SORL1-AS1: variants seen among roughly 807,000 people sequenced by gnomAD.
SORL1-AS1 encodes SORL1 antisense RNA 1, also known as lncRNA 51 A.
At chr11:121,444,772 C>T (rs1860703534), downstream of SORL1-AS1, among the ~76,000 whole-genome samples, 1 of 152,186 alleles carries the variant, frequency 6.6e-6, no homozygotes, top group Admixed American at 6.5e-5. Context: ...GTAAGTATTC[C>T]ATGGCGTCAT....
At chr11:121,440,305 C>T in the SORL1-AS1 span, among the ~76,000 whole-genome samples, 1 of 152,160 alleles carries the variant, frequency 6.6e-6, no homozygotes, top group African/African-American at 2.4e-5. Context: ...ACCCCGGAGG[C>T]GGAGGTTACG....
intron 1 of SORL1-AS1, among the ~76,000 whole-genome samples, chr11:121,451,022 C>T (rs749238130): frequency 3.9e-5 from 6 of 152,072 alleles, no homozygotes; most frequent in Non-Finnish European, 8.8e-5. Context: ...ATCGGGCTAC[C>T]GTGGCTTGTC....
At position 121,452,738 on chromosome 11, in the gene SORL1-AS1, C is replaced by A; in HGVS notation, n.276G>T. ...GCACCACTGGGGACTTCCCGGCTTG[C>A]ATTTGTTTTTTTCCTTCACGAGTAC... On this transcript the variant is annotated non_coding_transcript_exon_variant, in exon 1 of 2. Transcript: ENST00000501964. This position sits in a 1 kb window ranked among gnomAD's most constrained non-coding sequence, Gnocchi z 5.3. 2.3e-6 allele frequency: 2 copies of A among 886,224 alleles called. No individual in the cohort carries two copies. The highest frequency in any genetic ancestry group is 1.8e-5 in the African/African-American group (1 of 56,612). The allele number at this position is 886,224 out of a possible 1,614,324, so 54.9% of individuals were successfully genotyped here. A position where few individuals can be genotyped will look rare whatever the true frequency, so the allele number is the denominator to read the frequency against.
downstream of SORL1-AS1, among the ~76,000 whole-genome samples, chr11:121,445,379 T>G (rs2134749175): frequency 6.6e-6 from 1 of 152,268 alleles, no homozygotes; most frequent in East Asian, 1.9e-4. Context: ...GAAGAAGCAC[T>G]TCTCAGAACC....
chr11:121,448,396 G>T (rs1236171396), exon 2 of SORL1-AS1: 1 of 152,324 alleles, frequency 6.6e-6, no homozygotes, highest in Middle Eastern at 3.4e-3. Context: ...GGGCAGGCGG[G>T]TATTTCTATT....
At chr11:121,443,025 T>C (rs1022022321), downstream of SORL1-AS1, among the ~76,000 whole-genome samples, 1 of 151,048 alleles carries the variant, frequency 6.6e-6, no homozygotes, top group African/African-American at 2.4e-5. Flanking sequence ...TCAATTGGCA[T>C]CTCTGAGGCT....
chr11:121,442,461 C>A (rs1218237707), downstream of SORL1-AS1, among the ~76,000 whole-genome samples: 3 of 151,604 alleles, frequency 2.0e-5, no homozygotes, highest in African/African-American at 4.8e-5. Context: ...ATGGTGAAAC[C>A]CCTTCTCTAC....
chr11:121,447,733 A>G (rs903368739), exon 2 of SORL1-AS1: 2 of 152,120 alleles, frequency 1.3e-5, no homozygotes, highest in African/African-American at 4.8e-5. Context: ...TGAGCTTTGT[A>G]ACTGTAACAT....
the SORL1-AS1 span, among the ~76,000 whole-genome samples, chr11:121,439,321 G>A: frequency 2.6e-5 from 4 of 152,036 alleles, no homozygotes; most frequent in Admixed American, 2.6e-4. Flanking sequence ...CTTCCCTGAC[G>A]ACCAACAACG....
chr11:121,443,419 T>C (rs368654337), downstream of SORL1-AS1, among the ~76,000 whole-genome samples: 364 of 152,346 alleles, frequency 2.4e-3, 18 homozygotes, highest in South Asian at 0.073. Flanking sequence ...GACAAGAACC[T>C]AAGGCATGAA....
At chr11:121,440,150 A>T in the SORL1-AS1 span, among the ~76,000 whole-genome samples, 1 of 152,330 alleles carries the variant, frequency 6.6e-6, no homozygotes, top group South Asian at 2.1e-4. Flanking sequence ...AGGCAGGTAG[A>T]TCACTTGAGG....
At chr11:121,443,131 C>T (rs938827063), downstream of SORL1-AS1, among the ~76,000 whole-genome samples, 3 of 152,096 alleles carry the variant, frequency 2.0e-5, no homozygotes, top group African/African-American at 4.8e-5. Flanking sequence ...AATGACAGCC[C>T]GTTTCTAATA....
chr11:121,441,200 T>C, the SORL1-AS1 span, among the ~76,000 whole-genome samples: 2 of 152,114 alleles, frequency 1.3e-5, no homozygotes, highest in East Asian at 3.9e-4. Context: ...GAACCCTTGA[T>C]TTGTAAGTGG....
At chr11:121,448,932 G>A (rs1292709883) in exon 2 of SORL1-AS1, 2 of 152,236 alleles carry the variant, frequency 1.3e-5, no homozygotes, top group Non-Finnish European at 2.9e-5. Context: ...ATAGAAGTTG[G>A]CCAGCCAGGA....
the SORL1-AS1 span, among the ~76,000 whole-genome samples, chr11:121,441,067 G>A: frequency 3.3e-5 from 5 of 152,264 alleles, no homozygotes; most frequent in South Asian, 2.1e-4. Context: ...TTTTAGAAGC[G>A]AGTCCCAGGA....
At chr11:121,448,875 AC>A (rs1860756127) in exon 2 of SORL1-AS1, 2 of 152,192 alleles carry the variant, frequency 1.3e-5, no homozygotes, top group African/African-American at 4.8e-5. Context: ...GAGGGCTGTA[AC>A]CTAGCCTAGG....
At chr11:121,440,675 G>T in the SORL1-AS1 span, among the ~76,000 whole-genome samples, 2 of 152,178 alleles carry the variant, frequency 1.3e-5, no homozygotes, top group Non-Finnish European at 2.9e-5. Flanking sequence ...ATTCAAGAGC[G>T]GTCCCTTTCC....
In SORL1-AS1 at chr11:121,452,375, T is replaced by C. The variant is rs1860812638; in HGVS notation, n.339+300A>G. The C allele has an allele frequency of 1.3e-6, 2 of 1,554,768 alleles. No individual in the cohort carries two copies. The highest frequency in any genetic ancestry group is 1.4e-5 in the African/African-American group (1 of 70,374). ...AGGAGGGAGTCGCGACTCCCGTTCCTATTCACCCTGGTCGCACTGCTGCCG... is the reference window on the plus strand; with the variant it reads ...AGGAGGGAGTCGCGACTCCCGTTCCCATTCACCCTGGTCGCACTGCTGCCG... On this transcript the variant is annotated intron_variant and non_coding_transcript_variant, in intron 1 of 1. Transcript: ENST00000501964. This position sits in a 1 kb window ranked among gnomAD's most constrained non-coding sequence, Gnocchi z 5.3.
At chr11:121,447,515 A>T (rs1440372299) in exon 2 of SORL1-AS1, 1 of 151,702 alleles carries the variant, frequency 6.6e-6, no homozygotes, top group African/African-American at 2.4e-5. Flanking sequence ...GTTTCGACAC[A>T]TTGCCCAGGC....
Sources: gnomAD v4.1 joint callset for allele counts (sites outside exome capture counted in the v4.1 genomes callset) on GRCh38, gnomAD v4.1.1 for gene constraint, Gnocchi (gnomAD v3.1) non-coding constraint, MANE v1.5 for transcripts, NCBI Gene and HGNC (gene_info 2026-07-23, HGNC 2026-07-21) for gene names.